CANT1: variants seen among roughly 807,000 people sequenced by gnomAD.
The protein encoded by CANT1 is soluble calcium-activated nucleotidase 1.
In CANT1, 26 loss-of-function variants were observed where a neutral mutation model predicts 30.0. The ratio of observed to expected loss-of-function variants is 0.87; its 90% CI spans 0.64 to 1.20. CANT1 has a LOEUF of 1.20. CANT1 is among the 50% of genes most tolerant of loss of function. The probability of loss-of-function intolerance (pLI) is 0.00; values close to 1 mark genes in which losing one functional copy is unlikely to be tolerated. For missense variants in CANT1, 518 were observed against 563.0 expected (o/e 0.92, Z 0.81); for synonymous variants, 246 against 251.8 (o/e 0.98, Z 0.22).
At chr17:79,003,466 G>T (rs2071339645) in intron 1 of CANT1, among the ~76,000 whole-genome samples, 2 of 145,994 alleles carry the variant, frequency 1.4e-5, no homozygotes, top group South Asian at 4.6e-4. Flanking sequence ...GGGGTGGGGG[G>T]GCTCTTTTGT....
rs2071293741 is a variant in CANT1, at chr17:79,002,348, G to A, written c.-146-4385C>T. ...ATGGGGTTAGAGAACTGTGCACAGG[G>A]GCTGACTGCTACTGCTTCTCACTCA... On this transcript the variant is annotated intron_variant, in intron 1 of 4. Transcript: ENST00000392446. This position sits in a 1 kb window ranked among gnomAD's most constrained non-coding sequence, Gnocchi z 4.0. Among the ~76,000 whole-genome samples, 2 of 152,104 alleles carry A rather than the reference G, an allele frequency of 1.3e-5. No individual in the cohort carries two copies. The highest frequency in any genetic ancestry group is 1.3e-4 in the Admixed American group (2 of 15,268).
rs745803909 is a variant in CANT1, at chr17:78,998,927, G to T, written c.-146-964C>A. On this transcript the variant is annotated intron_variant, in intron 1 of 4. Coordinates refer to ENST00000392446, the MANE Select transcript of CANT1 (RefSeq NM_001159773.2). This position sits in a 1 kb window ranked among gnomAD's most constrained non-coding sequence, Gnocchi z 4.5. ...CAGACGCTGTCCTCCCTGCCAGGGC[G>T]CCTGGGAAGGGCTTGGGGACTCCAG... 6.6e-6 allele frequency among the ~76,000 whole-genome samples: 1 copy of T among 152,144 alleles called. No homozygotes were observed. The highest frequency in any genetic ancestry group is 2.4e-5 in the African/African-American group (1 of 41,436).
chr17:78,993,642 A>T lies in CANT1; in HGVS notation c.1114T>A (p.Ser372Thr), dbSNP rs540722812. ...KSEEDSGRVA[S>T]YIMAFTLDGR... Reference sequence around the variant, plus strand: ...TCCAGCGTGAAGGCCATGATGTAGGAGGCGACTCTGCCGCTGTCCTCCTCG... The same window carrying T: ...TCCAGCGTGAAGGCCATGATGTAGGTGGCGACTCTGCCGCTGTCCTCCTCG... The change falls in exon 5 of 5, where the codon TCC becomes ACC. Residue 372 changes from serine to threonine, a missense_variant. By Grantham distance (58) the Ser-to-Thr change is moderately conservative (BLOSUM62 1). Transcript: ENST00000392446. The surrounding 1 kb of genome is among the most constrained non-coding windows in gnomAD (Gnocchi z 4.5). The T allele has an allele frequency of 1.2e-6, 2 of 1,614,242 alleles. No individual in the cohort carries two copies. The highest frequency in any genetic ancestry group is 3.3e-5 in the Admixed American group (2 of 60,028).
chr17:78,992,841 C>CT lies in CANT1; in HGVS notation c.*708dup. On this transcript the variant is annotated 3_prime_UTR_variant, in exon 5 of 5. Coordinates refer to ENST00000392446, the MANE Select transcript of CANT1 (RefSeq NM_001159773.2). ...TTCCACTTTATAAGAAAGGAAACTG[C>CT]TTTAATTAAAGCAGGTTAATAATTA... 3.4e-5 allele frequency: 13 copies of CT among 385,034 alleles called. No homozygotes were observed. The highest frequency in any genetic ancestry group is 6.6e-5 in the Non-Finnish European group (13 of 196,700). The allele number at this position is 385,034 out of a possible 1,614,324, so 23.9% of individuals were successfully genotyped here. A position where few individuals can be genotyped will look rare whatever the true frequency, so the allele number is the denominator to read the frequency against.
rs573465326 is a variant in CANT1 at position 78,997,430 on chromosome 17, C to G, written c.193G>C (p.Ala65Pro). ...TTGTGGGTGGGGGGCCTGCCGGGGG[C>G]CGGGCGGTGGGAGCAGAGCAGCCAG... ...ILWLLCSHRPAPGRPPTHNAH... is the reference protein window; with the variant it reads ...ILWLLCSHRPPPGRPPTHNAH... The change falls in exon 3 of 5, where the codon GCC (alanine) becomes CCC (proline). Residue 65 changes from alanine to proline, a missense_variant. Around this residue, in one of 3 missense-constraint regions of CANT1, gnomAD observed 249 missense variants for 268.8 expected, o/e 0.93. Transcript: ENST00000392446. This position sits in a 1 kb window ranked among gnomAD's most constrained non-coding sequence, Gnocchi z 7.5. 33 of 1,607,176 alleles carry G rather than the reference C, an allele frequency of 2.1e-5. No homozygotes were observed. The highest frequency in any genetic ancestry group is 2.6e-5 in the Non-Finnish European group (31 of 1,175,752).
rs1251350037 is a variant in CANT1 at position 78,997,613 on chromosome 17, G to C, written c.10C>G (p.Gln4Glu). The C allele has an allele frequency of 1.3e-6, 2 of 1,569,338 alleles. No individual in the cohort carries two copies. The highest frequency in any genetic ancestry group is 1.7e-6 in the Non-Finnish European group (2 of 1,157,000). The change falls in exon 3 of 5, where the codon CAG (glutamine) becomes GAG (glutamate). Residue 4 changes from glutamine (Q) to glutamate (E), a missense_variant. Gln to Glu is a conservative substitution (Grantham distance 29). This residue lies in a region of CANT1 where 249 missense variants were observed against 268.8 expected (regional missense o/e 0.93). Coordinates refer to ENST00000392446, the MANE Select transcript of CANT1 (RefSeq NM_001159773.2). This position sits in a 1 kb window ranked among gnomAD's most constrained non-coding sequence, Gnocchi z 7.5. ...TTCCATTCCGGGTGCTCAGACAGCT[G>C]CACGGGCATCAGCGTGACAGACAGG... MPVQLSEHPEWNES... is the reference protein window; with the variant it reads MPVELSEHPEWNES...
chr17:79,009,277 G>A (rs1291395132), intron 1 of CANT1, among the ~76,000 whole-genome samples: 2 of 151,822 alleles, frequency 1.3e-5, no homozygotes, highest in African/African-American at 2.4e-5. Flanking sequence ...AATCAGAGCG[G>A]GGAGGAGTCA....
Position 78,996,884 on chromosome 17 carries a change from C to T in CANT1, c.631+108G>A, listed in dbSNP as rs904470700. On this transcript the variant is annotated intron_variant, in intron 3 of 4. Transcript: ENST00000392446. This position sits in a 1 kb window ranked among gnomAD's most constrained non-coding sequence, Gnocchi z 5.1. ...GGGAGACGTGCTCCCTCACCACATC[C>T]CTGGCTTCTAGGTGTGTGAATTCTT... 17 of 1,490,148 alleles carry T rather than the reference C, an allele frequency of 1.1e-5. No homozygotes were observed. The Admixed American group carries it at 1.5e-4, about 13-fold the overall frequency. 92.3% of individuals were successfully genotyped at this position (1,490,148 alleles called of 1,614,324 possible).
intron 1 of CANT1, among the ~76,000 whole-genome samples, chr17:79,001,425 C>CCCCAAGTCG (rs1241388468): frequency 1.3e-5 from 2 of 152,176 alleles, no homozygotes; most frequent in African/African-American, 4.8e-5. Flanking sequence ...CCACAGGCTG[C>CCCCAAGTCG]CCCAAGTCGC....
In CANT1 at chr17:78,993,691, G is replaced by A; in HGVS notation, c.1065C>T (p.Asp355=). 1 of 1,614,240 alleles carries A rather than the reference G, an allele frequency of 6.2e-7. No homozygotes were observed. Among genetic ancestry groups the A allele is most frequent in the Non-Finnish European group, 8.5e-7 (1 of 1,180,056 alleles). Residue 355 remains aspartate (D), a synonymous_variant, in exon 5 of 5, where the codon GAC becomes GAT. Coordinates refer to ENST00000392446, the MANE Select transcript of CANT1 (RefSeq NM_001159773.2). The surrounding 1 kb of genome is among the most constrained non-coding windows in gnomAD (Gnocchi z 4.5). ...CGGATTTGAGGGCCACAATGATCTG[G>A]TCGTCGGTGTTGGGGATGAACTTGA... ...SSFKFIPNTD[D]QIIVALKSEE...
chr17:79,003,554 C>G (rs994024632), intron 1 of CANT1, among the ~76,000 whole-genome samples: 5 of 152,098 alleles, frequency 3.3e-5, no homozygotes, highest in African/African-American at 1.2e-4. Flanking sequence ...CCAGAAGGGG[C>G]TCGTGTGAGG....
intron 4 of CANT1, among the ~76,000 whole-genome samples, chr17:78,994,316 C>G (rs74678399): frequency 0.037 from 5,653 of 152,296 alleles, 187 homozygotes; most frequent in East Asian, 0.17. Flanking sequence ...GTCTGGGGCC[C>G]CAGGCACAGA....
chr17:78,992,382 T>A lies in CANT1; in HGVS notation c.*1168A>T, dbSNP rs2145833322. On this transcript the variant is annotated 3_prime_UTR_variant, in exon 5 of 5. Coordinates refer to ENST00000392446, the MANE Select transcript of CANT1 (RefSeq NM_001159773.2). ...GAGGGCACTGTGAATGATGGAAACG[T>A]CCCTTCTCAGCCTGGGTCGTGCCTA... The A allele has an allele frequency of 3.5e-6, 1 of 283,662 alleles. No individual in the cohort carries two copies. The allele number at this position is 283,662 out of a possible 1,614,324, so 17.6% of individuals were successfully genotyped here. A position where few individuals can be genotyped will look rare whatever the true frequency, so the allele number is the denominator to read the frequency against.
At position 79,000,775 on chromosome 17, in the gene CANT1, C is replaced by T. The variant is rs116020391; in HGVS notation, c.-146-2812G>A. ...CAGCAGCTCGGTCTCTCCTACGGGGCATCAGCTCCCTGGGAAGACTTGCCC... is the reference window on the plus strand; with the variant it reads ...CAGCAGCTCGGTCTCTCCTACGGGGTATCAGCTCCCTGGGAAGACTTGCCC... On this transcript the variant is annotated intron_variant, in intron 1 of 4. Coordinates refer to ENST00000392446, the MANE Select transcript of CANT1 (RefSeq NM_001159773.2). Among the ~76,000 whole-genome samples the T allele has an allele frequency of 2.5e-3, 375 of 152,352 alleles. 1 individual carries two copies. The highest frequency in any genetic ancestry group is 8.9e-3 in the African/African-American group (370 of 41,588).
At chr17:78,999,830 T>G (rs1383789175) in intron 1 of CANT1, among the ~76,000 whole-genome samples, 1 of 151,984 alleles carries the variant, frequency 6.6e-6, no homozygotes, top group Non-Finnish European at 1.5e-5. Context: ...ATTTTGTATT[T>G]TTAGTAGAGA....
At chr17:79,006,810 A>C (rs1274894502) in intron 1 of CANT1, among the ~76,000 whole-genome samples, 2 of 152,238 alleles carry the variant, frequency 1.3e-5, no homozygotes, top group Non-Finnish European at 1.5e-5. Context: ...GCTGCCTTCC[A>C]CACCGCGGTG....
Position 78,995,327 on chromosome 17 carries a change from C to T in CANT1, c.632-106G>A, listed in dbSNP as rs1193850029. On this transcript the variant is annotated intron_variant, in intron 3 of 4. Coordinates refer to ENST00000392446, the MANE Select transcript of CANT1 (RefSeq NM_001159773.2). The surrounding 1 kb of genome is among the most constrained non-coding windows in gnomAD (Gnocchi z 5.7). Reference sequence around the variant, plus strand: ...TGTCCTTAGACCCCGCACCTGACTCCCGCCCGGCTCCACACCTGCCTCCCC... The same window carrying T: ...TGTCCTTAGACCCCGCACCTGACTCTCGCCCGGCTCCACACCTGCCTCCCC... 1.6e-6 allele frequency: 2 copies of T among 1,219,368 alleles called. No homozygotes were observed. The highest frequency in any genetic ancestry group is 5.1e-5 in the East Asian group (2 of 39,504). The allele number at this position is 1,219,368 out of a possible 1,614,324, so 75.5% of individuals were successfully genotyped here.
Position 78,997,347 on chromosome 17 carries a change from G to T in CANT1, c.276C>A (p.Pro92=). 6.2e-7 allele frequency: 1 copy of T among 1,614,120 alleles called. No homozygotes were observed. The highest frequency in any genetic ancestry group is 8.5e-7 in the Non-Finnish European group (1 of 1,180,026). The change falls in exon 3 of 5, where the codon CCC becomes CCA. Residue 92 remains proline (P), a synonymous_variant. Transcript: ENST00000392446. This position sits in a 1 kb window ranked among gnomAD's most constrained non-coding sequence, Gnocchi z 7.5. The part of the protein sequence containing the change: ...APANWYNDTY[P]LSPPQRTPAG... ...CCGGTGTCCTTTGTGGGGGAGACAG[G>T]GGGTAGGTGTCATTGTACCAGTTGG...
Position 78,996,412 on chromosome 17 carries a change from T to A in CANT1, c.631+580A>T, listed in dbSNP as rs2071035243. 6.6e-6 allele frequency among the ~76,000 whole-genome samples: 1 copy of A among 152,130 alleles called. No individual in the cohort carries two copies. The highest frequency in any genetic ancestry group is 2.1e-4 in the South Asian group (1 of 4,834). On this transcript the variant is annotated intron_variant, in intron 3 of 4. Coordinates refer to ENST00000392446, the MANE Select transcript of CANT1 (RefSeq NM_001159773.2). The surrounding 1 kb of genome is among the most constrained non-coding windows in gnomAD (Gnocchi z 5.1). ...GGCCACCGTGCCTCCCCAAAGCCTG[T>A]CCCTGCCCTGTGGAAGCAGCACCTC...
Sources: gnomAD v4.1 joint callset for allele counts (sites outside exome capture counted in the v4.1 genomes callset) on GRCh38, gnomAD v4.1.1 for gene constraint, gnomAD v4.1.1 regional missense constraint, Gnocchi (gnomAD v3.1) non-coding constraint, MANE v1.5 for transcripts, NCBI Gene and HGNC (gene_info 2026-07-23, HGNC 2026-07-21) for gene names.